Variants in PCDHA9 observed in about 807,000 individuals in gnomAD.
PCDHA9 encodes protocadherin alpha 9, also known as protocadherin alpha-9.
In PCDHA9, 62 loss-of-function variants were observed where a neutral mutation model predicts 62.0. The observed-to-expected ratio is 1.00, with a 90% CI of 0.81 to 1.23. The LOEUF (loss-of-function observed/expected upper bound fraction) is 1.23. Among genes scored for constraint, PCDHA9 ranks in the 50% most tolerant of loss-of-function variants. The pLI is 0.00. For synonymous variants in PCDHA9, 557 were observed against 567.6 expected, an observed-to-expected ratio of 0.98 and a Z score of 0.27; for missense variants, 1,205 against 1,249.8, an observed-to-expected ratio of 0.96 and a Z score of 0.54.
At chr5:140,968,394 G>A (rs782388354) in intron 1 of PCDHA9, 3 of 1,613,942 alleles carry the variant, frequency 1.9e-6, no homozygotes, top group Admixed American at 3.3e-5. Context: ...GAGAAGTTTC[G>A]GGAGTTCTTT....
intron 1 of PCDHA9, chr5:140,884,510 T>G: frequency 6.2e-7 from 1 of 1,613,982 alleles, no homozygotes; most frequent in Non-Finnish European, 8.5e-7. Flanking sequence ...GGCAGGGAGT[T>G]GGTCGTACTC....
intron 1 of PCDHA9, among the ~76,000 whole-genome samples, chr5:140,889,202 T>G (rs1329949873): frequency 6.6e-6 from 1 of 151,910 alleles, no homozygotes; most frequent in Non-Finnish European, 1.5e-5. Context: ...ACTTGAATAC[T>G]TAACAAAGAA....
chr5:140,850,783 G>A lies in PCDHA9; in HGVS notation c.2288G>A (p.Gly763Asp), dbSNP rs2150498112. 4.6e-5 allele frequency: 73 copies of A among 1,598,056 alleles called. 5 individuals carry two copies. Among genetic ancestry groups the A allele is most frequent in the East Asian group, 4.5e-5 (2 of 44,866 alleles). Residue 763 changes from glycine (G) to aspartate (D), a missense_variant, in exon 1 of 4, where the codon GGT (glycine) becomes GAT (aspartate). Physicochemically the swap from Gly to Asp is moderately conservative, Grantham distance 94. This residue lies in a region of PCDHA9 where 887 missense variants were observed against 809.5 expected (regional missense o/e 1.10). Coordinates refer to ENST00000532602, the MANE Select transcript of PCDHA9 (RefSeq NM_031857.2). ...AGGCAGAGGGTGTGCTCTGGCGAGG[G>A]TAAGCAGAAGACCGACCTCATGGCC... is the stretch of plus-strand genomic sequence containing the variant. ...QRRQRVCSGE[G>D]KQKTDLMAFS...
chr5:140,977,383 G>A (rs2096759264), intron 1 of PCDHA9, among the ~76,000 whole-genome samples: 1 of 152,134 alleles, frequency 6.6e-6, no homozygotes, highest in Non-Finnish European at 1.5e-5. Context: ...ATATTTCCAG[G>A]TTTATAAAAT....
At chr5:140,856,553 T>TAC (rs1455018619) in intron 1 of PCDHA9, 2 of 1,598,066 alleles carry the variant, frequency 1.3e-6, no homozygotes, top group African/African-American at 2.7e-5. Flanking sequence ...ATTGCTTACT[T>TAC]ACAAACTCAG....
chr5:140,886,368 C>A (rs1174734883), intron 1 of PCDHA9, among the ~76,000 whole-genome samples: 1 of 152,040 alleles, frequency 6.6e-6, no homozygotes, highest in Non-Finnish European at 1.5e-5. Flanking sequence ...GGTGTACATG[C>A]CATGGTGTGC....
chr5:140,921,511 C>T (rs1163280621), intron 1 of PCDHA9, among the ~76,000 whole-genome samples: 1 of 152,062 alleles, frequency 6.6e-6, no homozygotes, highest in Non-Finnish European at 1.5e-5. Context: ...TAGTGCCTAA[C>T]CTGAAATAAA....
chr5:141,007,683 A>G (rs576789056), intron 3 of PCDHA9, among the ~76,000 whole-genome samples: 1 of 152,268 alleles, frequency 6.6e-6, no homozygotes, highest in African/African-American at 2.4e-5. Context: ...AAGTTATCCT[A>G]CTTCCACCTC....
At chr5:140,864,745 T>G (rs528957668) in intron 1 of PCDHA9, 1 of 152,328 alleles carries the variant, frequency 6.6e-6, no homozygotes, top group Non-Finnish European at 1.5e-5. Flanking sequence ...GAGCACCGAT[T>G]ATACTCATTT....
intron 1 of PCDHA9, chr5:140,967,846 C>A: frequency 6.2e-7 from 1 of 1,614,166 alleles, no homozygotes; most frequent in Non-Finnish European, 8.5e-7. Context: ...ACGTGAATGA[C>A]AATGCCCCAG....
chr5:140,892,507 C>T (rs1261497068), intron 1 of PCDHA9, among the ~76,000 whole-genome samples: 1 of 152,162 alleles, frequency 6.6e-6, no homozygotes, highest in Non-Finnish European at 1.5e-5. Context: ...TTAAGAAGTT[C>T]CACCATGACT....
intron 1 of PCDHA9, chr5:140,969,438 C>G: frequency 6.5e-7 from 1 of 1,546,540 alleles, no homozygotes; most frequent in African/African-American, 1.4e-5. Flanking sequence ...CAAGAGTTAT[C>G]TGGTAAACTG....
chr5:140,958,084 T>C (rs2095408627), intron 1 of PCDHA9, among the ~76,000 whole-genome samples: 1 of 152,110 alleles, frequency 6.6e-6, no homozygotes, highest in African/African-American at 2.4e-5. Flanking sequence ...AAAAGTAAAG[T>C]TGTACAATAG....
At position 140,976,656 on chromosome 5, in the gene PCDHA9, C is replaced by T. The variant is rs551402825; in HGVS notation, c.2395-2293C>T. ...AATCAGACAAGTAATTTAATCTCTC[C>T]AAAGTTCAGATGTCTCATTTTTGCA... is the stretch of plus-strand genomic sequence containing the variant. On this transcript the variant is annotated intron_variant, in intron 1 of 3. Transcript: ENST00000532602. Among the ~76,000 whole-genome samples the T allele has an allele frequency of 3.3e-5, 5 of 152,272 alleles. No homozygotes were observed. The South Asian group carries it at 1.0e-3, about 32-fold the overall frequency.
At chr5:140,998,850 A>T (rs904977478) in intron 3 of PCDHA9, among the ~76,000 whole-genome samples, 1 of 152,234 alleles carries the variant, frequency 6.6e-6, no homozygotes, top group African/African-American at 2.4e-5. Context: ...GGTGTGAGCC[A>T]CATGCCTGGC....
rs1412963703 is a variant in PCDHA9, at chr5:140,852,839, T to C, written c.2394+1950T>C. 5.2e-6 allele frequency: 5 copies of C among 968,992 alleles called. 1 individual carries two copies. Among genetic ancestry groups the C allele is most frequent in the Non-Finnish European group, 6.2e-6 (5 of 802,288 alleles). The allele number at this position is 968,992 out of a possible 1,614,324, so 60.0% of individuals were successfully genotyped here. On this transcript the variant is annotated intron_variant, in intron 1 of 3. Coordinates refer to ENST00000532602, the MANE Select transcript of PCDHA9 (RefSeq NM_031857.2). Reference sequence around the variant, plus strand: ...CTAAGTCCTCCAGTCTCCTTAGAGCTAGTACTTACTAAGCATTTACTATGT... The same window carrying C: ...CTAAGTCCTCCAGTCTCCTTAGAGCCAGTACTTACTAAGCATTTACTATGT...
chr5:140,984,666 G>T (rs769681431), intron 3 of PCDHA9, among the ~76,000 whole-genome samples: 115 of 152,058 alleles, frequency 7.6e-4, no homozygotes, highest in Admixed American at 1.2e-3. Flanking sequence ...GTACTTTTAG[G>T]TTTTTAGGAC....
At chr5:140,855,863 C>A in intron 1 of PCDHA9, 2 of 763,578 alleles carry the variant, frequency 2.6e-6, no homozygotes, top group Non-Finnish European at 4.1e-6. Flanking sequence ...ATGTCGCTGT[C>A]GTCCACAAAA....
At chr5:140,920,548 C>T (rs1222470517) in intron 1 of PCDHA9, among the ~76,000 whole-genome samples, 5 of 152,186 alleles carry the variant, frequency 3.3e-5, no homozygotes, top group Admixed American at 6.5e-5. Context: ...ATTTCACCTT[C>T]GAAGTGTGGC....
Sources: gnomAD v4.1 joint callset for allele counts (sites outside exome capture counted in the v4.1 genomes callset) on GRCh38, gnomAD v4.1.1 for gene constraint, gnomAD v4.1.1 regional missense constraint, MANE v1.5 for transcripts, NCBI Gene and HGNC (gene_info 2026-07-23, HGNC 2026-07-21) for gene names.